The following TNRC6C variants were observed in gnomAD, a reference collection of about 807,000 sequenced individuals.
The protein encoded by TNRC6C is trinucleotide repeat containing adaptor 6C, also known as trinucleotide repeat-containing gene 6C protein.
Under a neutral mutation model 153.7 loss-of-function variants are expected in TNRC6C, and 20 were observed. The ratio of observed to expected loss-of-function variants is 0.13; its 90% CI spans 0.09 to 0.19. The LOEUF is 0.19. Among genes scored for constraint, TNRC6C ranks in the 10% least tolerant of loss-of-function variants. The pLI, the probability that TNRC6C is intolerant of heterozygous loss-of-function variation, is 1.00. For synonymous variants in TNRC6C, 811 were observed against 841.4 expected, an observed-to-expected ratio of 0.96 and a Z score of 0.63; for missense variants, 1,987 against 2,172.0, an observed-to-expected ratio of 0.91 and a Z score of 1.69.
At chr17:78,028,599 C>T (rs2071992945) in intron 1 of TNRC6C, among the ~76,000 whole-genome samples, 1 of 152,150 alleles carries the variant, frequency 6.6e-6, no homozygotes, top group Admixed American at 6.5e-5. Context: ...ATGTAGCGTT[C>T]ACATGGTAGA....
chr17:78,089,122 C>T (rs921768906), intron 13 of TNRC6C, among the ~76,000 whole-genome samples: 5 of 151,946 alleles, frequency 3.3e-5, no homozygotes, highest in African/African-American at 9.7e-5. Flanking sequence ...CATGCATCAC[C>T]ACGCCTGGCT....
At chr17:78,044,579 G>A (rs2072368728) in intron 2 of TNRC6C, among the ~76,000 whole-genome samples, 1 of 152,234 alleles carries the variant, frequency 6.6e-6, no homozygotes, top group South Asian at 2.1e-4. Flanking sequence ...CAGCACAGTA[G>A]CTGCATATAG....
chr17:78,054,668 G>A (rs1320601379), intron 3 of TNRC6C, among the ~76,000 whole-genome samples: 3 of 142,128 alleles, frequency 2.1e-5, no homozygotes, highest in Non-Finnish European at 3.1e-5. Context: ...ACTACTGTAC[G>A]CTACTGGAGA....
intron 1 of TNRC6C, 128 bp from the exon 4 acceptor site, chr17:78,031,388 C>A: frequency 1.6e-6 from 1 of 641,326 alleles, no homozygotes; most frequent in Non-Finnish European, 2.2e-6. Context: ...GACTTTAGTC[C>A]AGTTCTGTTT....
intron 1 of TNRC6C, among the ~76,000 whole-genome samples, chr17:77,994,611 A>G (rs2071300246): frequency 6.6e-6 from 1 of 152,164 alleles, no homozygotes; most frequent in African/African-American, 2.4e-5. Context: ...CCGTTTCATC[A>G]CTTCAGTGAC....
intron 2 of TNRC6C, among the ~76,000 whole-genome samples, chr17:78,043,032 C>G (rs1416735430): frequency 6.6e-6 from 1 of 152,004 alleles, no homozygotes; most frequent in Non-Finnish European, 1.5e-5. Context: ...TCTCCGTGAA[C>G]CTGCATTGAA....
At chr17:78,098,483 C>A in exon 17 of TNRC6C, 1 of 1,613,998 alleles carries the variant, frequency 6.2e-7, no homozygotes. Flanking sequence ...CAATCCCAAG[C>A]CCTCCTCCAC....
intron 2 of TNRC6C, among the ~76,000 whole-genome samples, chr17:78,038,400 G>C (rs1350570402): frequency 6.6e-6 from 1 of 152,092 alleles, no homozygotes; most frequent in Non-Finnish European, 1.5e-5. Context: ...GTGGCTGGGT[G>C]CGGTGGCTCA....
rs528700435 is a variant in TNRC6C at position 78,100,608 on chromosome 17, G to A, written c.4502-1866G>A. 2.6e-5 allele frequency among the ~76,000 whole-genome samples: 4 copies of A among 152,234 alleles called. No homozygotes were observed. In the East Asian group the frequency reaches 7.8e-4, roughly 30 times the overall value. On this transcript the variant is annotated intron_variant, in intron 17 of 19. Transcript: ENST00000301624. ...CCCATGAAGCCATTTTTTCCTTGTA[G>A]GCCTCTGGGCCTGTGATGGGAGGGG...
At chr17:78,056,476 T>C (rs2072657027) in intron 3 of TNRC6C, among the ~76,000 whole-genome samples, 1 of 150,324 alleles carries the variant, frequency 6.7e-6, no homozygotes, top group South Asian at 2.1e-4. Context: ...ACTTTTTTTT[T>C]TTTTTGAGAC....
In TNRC6C at chr17:78,006,549, CTTCTT is replaced by C. The variant is rs771288815; in HGVS notation, c.-546+1471_-546+1475del. ...TCTTCTTCTTCTTCTTCTTCTTCTT[CTTCTT>C]CTTCTTCCTTCTTCCTTCTTCCTTC... On this transcript the variant is annotated intron_variant, in intron 1 of 19. Transcript: ENST00000301624. 5.7e-3 allele frequency among the ~76,000 whole-genome samples: 536 copies of C among 94,834 alleles called. 5 individuals are homozygous for C. The highest frequency in any genetic ancestry group is 0.018 in the African/African-American group (392 of 21,700). The allele number at this position is 94,834 out of a possible 152,430, so 62.2% of individuals were successfully genotyped here.
intron 5 of TNRC6C, among the ~76,000 whole-genome samples, chr17:78,068,956 T>G (rs1381849904): frequency 6.6e-6 from 1 of 152,058 alleles, no homozygotes; most frequent in African/African-American, 2.4e-5. Context: ...GGTCACAAAC[T>G]TAAATATTAA....
Position 77,972,269 on chromosome 17 carries a change from TTGGGAGGCCGAGG to T in TNRC6C, c.-38+13009_-38+13021del, listed in dbSNP as rs1299958837. Among the ~76,000 whole-genome samples, 7 of 152,198 alleles carry T rather than the reference TTGGGAGGCCGAGG, an allele frequency of 4.6e-5. No homozygotes were observed. In the South Asian group the frequency reaches 1.2e-3, roughly 27 times the overall value. ...GGCACACTCCTGAAATCCCATCACTTTGGGAGGCCGAGGTGGGAGGATCACCTGAAGTCAGGAG... is the reference window on the plus strand; with the variant it reads ...GGCACACTCCTGAAATCCCATCACTTTGGGAGGATCACCTGAAGTCAGGAG... On this transcript the variant is annotated intron_variant, in intron 1 of 22. Transcript: ENST00000636222.
intron 16 of TNRC6C, among the ~76,000 whole-genome samples, chr17:78,095,113 A>T (rs1442669271): frequency 6.6e-6 from 1 of 152,242 alleles, no homozygotes; most frequent in African/African-American, 2.4e-5. Context: ...CCAAGTCATA[A>T]GGGAAGTTGG....
At chr17:78,027,399 G>A (rs1055775963) in intron 1 of TNRC6C, among the ~76,000 whole-genome samples, 1 of 152,104 alleles carries the variant, frequency 6.6e-6, no homozygotes, top group Non-Finnish European at 1.5e-5. Flanking sequence ...CCCTGGGCCC[G>A]TTAGAGGTTG....
chr17:78,104,951 A>G lies in TNRC6C; in HGVS notation c.*106A>G, dbSNP rs2073666162. On this transcript the variant is annotated 3_prime_UTR_variant, in exon 20 of 20. Coordinates refer to ENST00000301624, the Ensembl canonical transcript of TNRC6C. The surrounding 1 kb of genome is among the most constrained non-coding windows in gnomAD (Gnocchi z 6.2). ...CCCAGCAGCGGCCGCCCTTTTGAGT[A>G]CCTCTGTCCAGGACTGAAGACGAAC... 7 of 1,350,474 alleles carry G rather than the reference A, an allele frequency of 5.2e-6. No homozygotes were observed. Among genetic ancestry groups the G allele is most frequent in the Non-Finnish European group, 5.7e-6 (6 of 1,050,844 alleles). 83.7% of individuals were successfully genotyped at this position (1,350,474 alleles called of 1,614,324 possible).
exon 20 of TNRC6C, chr17:78,105,557 A>C (rs1173935421): frequency 6.6e-6 from 1 of 152,254 alleles, no homozygotes; most frequent in Non-Finnish European, 1.5e-5. Context: ...GGTTGACATC[A>C]GTACACAGAA....
chr17:78,054,730 T>G (rs559954382), intron 3 of TNRC6C, among the ~76,000 whole-genome samples: 2 of 151,892 alleles, frequency 1.3e-5, no homozygotes, highest in African/African-American at 4.8e-5. Context: ...TACTACAGAC[T>G]ACTGTACACT....
At position 78,052,606 on chromosome 17, in the gene TNRC6C, GC is replaced by G. The variant is rs968001177; in HGVS notation, c.2395+1151del. ...GGGAATCACCATCTTGTGTAGGGCA[GC>G]CTGGGCATTTGGGCACCTTTTTGGT... On this transcript the variant is annotated intron_variant, in intron 3 of 19. Coordinates refer to ENST00000301624, the Ensembl canonical transcript of TNRC6C. 3.2e-4 allele frequency among the ~76,000 whole-genome samples: 49 copies of G among 152,306 alleles called. 1 individual carries two copies. Among genetic ancestry groups the G allele is most frequent in the Middle Eastern group, 6.8e-3 (2 of 294 alleles).
Sources: allele counts gnomAD v4.1 joint callset (sites outside exome capture counted in the v4.1 genomes callset), GRCh38; gene constraint gnomAD v4.1.1; non-coding constraint Gnocchi (gnomAD v3.1); transcripts MANE v1.5; gene names NCBI Gene and HGNC (gene_info 2026-07-23, HGNC 2026-07-21).